The following CDK15 variants were observed in gnomAD, a reference collection of about 807,000 sequenced individuals.
The protein encoded by CDK15 is cyclin dependent kinase 15, also known as cyclin-dependent kinase 15.
CDK15 carries 62 observed loss-of-function variants against 60.3 expected under a neutral mutation model. The observed-to-expected ratio is 1.03, with a 90% CI of 0.84 to 1.27. CDK15 has a LOEUF of 1.27. CDK15 is among the 50% of genes most tolerant of loss of function. The probability of loss-of-function intolerance (pLI) is 0.00; values close to 1 mark genes in which losing one functional copy is unlikely to be tolerated. For synonymous variants in CDK15, 194 were observed against 195.7 expected, an observed-to-expected ratio of 0.99 and a Z score of 0.07; for missense variants, 541 against 527.8, an observed-to-expected ratio of 1.03 and a Z score of -0.25.
chr2:201,839,187 A>AT (rs901392137), intron 8 of CDK15, among the ~76,000 whole-genome samples: 7 of 151,676 alleles, frequency 4.6e-5, no homozygotes, highest in Admixed American at 1.3e-4. Flanking sequence ...TGAATATTTC[A>AT]TTTTTTTTAA....
rs546261275 is a variant in CDK15 at position 201,866,264 on chromosome 2, A to G, written c.1010-6014A>G. Among the ~76,000 whole-genome samples the G allele has an allele frequency of 8.8e-4, 134 of 152,294 alleles. 3 individuals are homozygous for G. In the South Asian group the frequency reaches 0.024, roughly 27 times the overall value. On this transcript the variant is annotated intron_variant, in intron 10 of 13. Coordinates refer to ENST00000652192, the MANE Select transcript of CDK15 (RefSeq NM_001366386.2). ...ACCTTAGGGTGATTGTGGCAAGACT[A>G]TAGTAACTAGAAAATGTTTTACCTT...
chr2:201,890,130 C>A (rs542239302), intron 12 of CDK15, among the ~76,000 whole-genome samples: 29 of 151,890 alleles, frequency 1.9e-4, no homozygotes, highest in Middle Eastern at 6.8e-3. Context: ...TCTAGCCCAA[C>A]GTGATGCTCA....
intron 10 of CDK15, among the ~76,000 whole-genome samples, chr2:201,867,115 C>T (rs765222961): frequency 3.9e-5 from 6 of 152,182 alleles, no homozygotes; most frequent in Non-Finnish European, 7.3e-5. Context: ...CCTGAACAAA[C>T]ATATTAAGTA....
rs911055613 is a variant in CDK15 at position 201,811,909 on chromosome 2, G to A, written c.369-574G>A. Among the ~76,000 whole-genome samples the A allele has an allele frequency of 5.3e-5, 8 of 152,124 alleles. No individual in the cohort carries two copies. The East Asian group carries it at 1.2e-3, about 22-fold the overall frequency. On this transcript the variant is annotated intron_variant, in intron 3 of 13. Transcript: ENST00000652192. Reference sequence around the variant, plus strand: ...ACTACAAGGCTGGGCTTGGTGGCTCGTGCCTGTAATCCCAGCACTTTGGGA... The same window carrying A: ...ACTACAAGGCTGGGCTTGGTGGCTCATGCCTGTAATCCCAGCACTTTGGGA...
At chr2:201,817,739 A>G (rs972270080) in intron 4 of CDK15, among the ~76,000 whole-genome samples, 10 of 152,214 alleles carry the variant, frequency 6.6e-5, no homozygotes, top group African/African-American at 2.2e-4. Flanking sequence ...GTTGACAGAA[A>G]GTCTGCCATT....
At chr2:201,850,859 T>C (rs766753023) in intron 9 of CDK15, among the ~76,000 whole-genome samples, 1 of 152,202 alleles carries the variant, frequency 6.6e-6, no homozygotes, top group Non-Finnish European at 1.5e-5. Flanking sequence ...AGACTTCATT[T>C]GTCTGATGAC....
intron 12 of CDK15, among the ~76,000 whole-genome samples, chr2:201,886,205 T>A (rs1313185388): frequency 6.6e-6 from 1 of 152,172 alleles, no homozygotes; most frequent in Admixed American, 6.5e-5. Flanking sequence ...AGGGCTCAAT[T>A]TATGTTGAAT....
intron 8 of CDK15, among the ~76,000 whole-genome samples, chr2:201,844,008 T>G (rs1697527417): frequency 6.6e-6 from 1 of 152,148 alleles, no homozygotes; most frequent in Non-Finnish European, 1.5e-5. Flanking sequence ...GAAGGCTTTT[T>G]GGGGGAGAAA....
rs888588548 is a variant in CDK15, at chr2:201,882,915, T to G, written c.1198+2748T>G. On this transcript the variant is annotated intron_variant, in intron 12 of 13. Coordinates refer to ENST00000652192, the MANE Select transcript of CDK15 (RefSeq NM_001366386.2). This position sits in a 1 kb window ranked among gnomAD's most constrained non-coding sequence, Gnocchi z 4.0. The stretch of plus-strand genomic sequence containing the variant: ...TGGCAGTGCCAGCCTGCTTTTTCAT[T>G]GCCCCTGGCAATGAGCCTTTATTAA... Among the ~76,000 whole-genome samples the G allele has an allele frequency of 1.3e-5, 2 of 152,154 alleles. No homozygotes were observed. Among genetic ancestry groups the G allele is most frequent in the East Asian group, 3.9e-4 (2 of 5,180 alleles).
At chr2:201,835,873 T>TAAAA in intron 8 of CDK15, 110 bp downstream of exon 8, 8 of 371,258 alleles carry the variant, frequency 2.2e-5, no homozygotes, top group Non-Finnish European at 3.1e-5. Context: ...TATATATTTT[T>TAAAA]ATATATATTT....
At chr2:201,860,874 T>C (rs1478731780) in intron 10 of CDK15, 1 of 1,351,754 alleles carries the variant, frequency 7.4e-7, no homozygotes, top group Non-Finnish European at 9.8e-7. Flanking sequence ...CTGAAACCAC[T>C]ATGAGACAGA....
chr2:201,840,603 T>C (rs925272882), intron 8 of CDK15, among the ~76,000 whole-genome samples: 11 of 152,316 alleles, frequency 7.2e-5, no homozygotes, highest in African/African-American at 2.4e-4. Flanking sequence ...GGCAAATTCT[T>C]CGTTTTTGTT....
At chr2:201,864,275 A>G (rs1238506478) in intron 10 of CDK15, among the ~76,000 whole-genome samples, 4 of 152,158 alleles carry the variant, frequency 2.6e-5, no homozygotes, top group African/African-American at 9.7e-5. Flanking sequence ...AAAAGAAGGA[A>G]CTAGGGAAAT....
chr2:201,823,822 A>C lies in CDK15; in HGVS notation c.606+95A>C. ...TCACAAAGCAAAGTCCTATGATACT[A>C]AATAAGAGGATGGACATCACTGATA... On this transcript the variant is annotated intron_variant, in intron 6 of 13. Transcript: ENST00000652192. 5.0e-6 allele frequency: 5 copies of C among 1,006,794 alleles called. 1 individual carries two copies. The Admixed American group carries it at 9.3e-5, about 19-fold the overall frequency. The allele number at this position is 1,006,794 out of a possible 1,614,324, so 62.4% of individuals were successfully genotyped here. A position where few individuals can be genotyped will look rare whatever the true frequency, so the allele number is the denominator to read the frequency against.
chr2:201,879,433 G>C (rs1303507907), intron 11 of CDK15, among the ~76,000 whole-genome samples: 3 of 152,214 alleles, frequency 2.0e-5, no homozygotes, highest in African/African-American at 7.2e-5. Flanking sequence ...AGGCTGGAGT[G>C]CTGTGGTGCA....
At chr2:201,853,925 G>C (rs1453640259) in intron 9 of CDK15, among the ~76,000 whole-genome samples, 1 of 152,128 alleles carries the variant, frequency 6.6e-6, no homozygotes, top group African/African-American at 2.4e-5. Context: ...ACTTTGGGAG[G>C]CCGAGGTGGG....
chr2:201,823,398 G>A (rs962253869), intron 5 of CDK15, among the ~76,000 whole-genome samples: 12 of 152,220 alleles, frequency 7.9e-5, no homozygotes, highest in Admixed American at 5.2e-4. Flanking sequence ...AAATTCCTGC[G>A]TCGTTGTGTT....
intron 12 of CDK15, chr2:201,888,348 A>G: frequency 1.4e-6 from 2 of 1,449,730 alleles, no homozygotes; most frequent in Non-Finnish European, 1.8e-6. Context: ...TGATCTAAAT[A>G]CATAAGAATC....
At chr2:201,861,179 C>T in intron 10 of CDK15, 2 of 1,023,524 alleles carry the variant, frequency 2.0e-6, no homozygotes, top group Non-Finnish European at 2.3e-6. Context: ...TTACTTATTT[C>T]CTAGTTCTGT....
Sources: allele counts gnomAD v4.1 joint callset (sites outside exome capture counted in the v4.1 genomes callset), GRCh38; gene constraint gnomAD v4.1.1; non-coding constraint Gnocchi (gnomAD v3.1); transcripts MANE v1.5; gene names NCBI Gene and HGNC (gene_info 2026-07-23, HGNC 2026-07-21).